The following PTPRD variants were observed in gnomAD, a reference collection of about 807,000 sequenced individuals.
PTPRD encodes protein tyrosine phosphatase receptor type D.
In PTPRD, 34 loss-of-function variants were observed where a neutral mutation model predicts 214.5. The observed-to-expected ratio is 0.16, with a 90% confidence interval of 0.12 to 0.21. The LOEUF is 0.21. Ranked by LOEUF, PTPRD falls within the 10% of genes least tolerant of loss-of-function variation. The pLI, the probability that PTPRD is intolerant of heterozygous loss-of-function variation, is 1.00. For synonymous variants in PTPRD, 1,128 were observed against 845.7 expected (o/e 1.33, Z -5.79); for missense variants, 2,545 against 2,398.7 (o/e 1.06, Z -1.27).
chr9:9,946,295 T>A (rs1425775070), intron 4 of PTPRD, among the ~76,000 whole-genome samples: 1 of 152,140 alleles, frequency 6.6e-6, no homozygotes, highest in African/African-American at 2.4e-5. Context: ...ATTTAATGAA[T>A]GGGTAAAAAT....
At chr9:9,027,121 C>T (rs2099589979) in intron 10 of PTPRD, among the ~76,000 whole-genome samples, 1 of 151,710 alleles carries the variant, frequency 6.6e-6, no homozygotes, top group South Asian at 2.1e-4. Context: ...AGCTTTCTTG[C>T]ATGACATCTG....
chr9:9,859,979 TAAC>T (rs1555229207), intron 5 of PTPRD, among the ~76,000 whole-genome samples: 1 of 152,168 alleles, frequency 6.6e-6, no homozygotes, highest in Admixed American at 6.5e-5. Flanking sequence ...ACAAGATCTC[TAAC>T]AACAACAACA....
chr9:10,172,446 GA>G (rs779948628), intron 3 of PTPRD, among the ~76,000 whole-genome samples: 4 of 152,098 alleles, frequency 2.6e-5, no homozygotes, highest in Non-Finnish European at 4.4e-5. Context: ...TCAAGTAGTT[GA>G]AATCTTACCT....
At chr9:10,104,050 G>A (rs2098598869) in intron 3 of PTPRD, among the ~76,000 whole-genome samples, 1 of 151,690 alleles carries the variant, frequency 6.6e-6, no homozygotes, top group African/African-American at 2.4e-5. Flanking sequence ...TATGTTAAGT[G>A]AAATAAGCCA....
intron 2 of PTPRD, among the ~76,000 whole-genome samples, chr9:10,494,645 C>G (rs2041477257): frequency 6.8e-6 from 1 of 147,596 alleles, no homozygotes; most frequent in Non-Finnish European, 1.5e-5. Context: ...TTCACTCTAA[C>G]AAATTGTTTT....
intron 8 of PTPRD, among the ~76,000 whole-genome samples, chr9:9,517,599 G>A (rs1356297942): frequency 6.6e-6 from 1 of 152,058 alleles, no homozygotes; most frequent in Non-Finnish European, 1.5e-5. Context: ...ACACTGGCAT[G>A]TGGCTTGAGA....
intron 9 of PTPRD, among the ~76,000 whole-genome samples, chr9:9,302,241 C>A (rs1378025740): frequency 6.6e-6 from 1 of 151,786 alleles, no homozygotes; most frequent in African/African-American, 2.4e-5. Context: ...GCATTTCCTT[C>A]TGGCCCTATC....
intron 4 of PTPRD, among the ~76,000 whole-genome samples, chr9:9,988,638 A>T (rs1181302157): frequency 4.6e-5 from 7 of 152,136 alleles, no homozygotes; most frequent in Non-Finnish European, 8.8e-5. Flanking sequence ...AATAGCCCAA[A>T]TAATGTCAGT....
intron 8 of PTPRD, among the ~76,000 whole-genome samples, chr9:9,522,485 G>C (rs2097007250): frequency 6.6e-6 from 1 of 152,074 alleles, no homozygotes; most frequent in African/African-American, 2.4e-5. Flanking sequence ...CACTACTGAT[G>C]TGTTGACAGA....
chr9:8,845,144 T>G (rs2154537836), intron 11 of PTPRD, among the ~76,000 whole-genome samples: 1 of 144,952 alleles, frequency 6.9e-6, no homozygotes, highest in South Asian at 2.1e-4. Flanking sequence ...GTGAATAAAA[T>G]GAGGTCTCTA....
At chr9:8,433,406 A>G (rs1291256510) in intron 35 of PTPRD, among the ~76,000 whole-genome samples, 3 of 152,192 alleles carry the variant, frequency 2.0e-5, no homozygotes, top group Non-Finnish European at 4.4e-5. Flanking sequence ...CTTTTATTAA[A>G]ATAAAAAGAA....
chr9:10,108,760 C>T lies in PTPRD; in HGVS notation c.-544-74970G>A, dbSNP rs145278321. Among the ~76,000 whole-genome samples, 12 of 152,024 alleles carry T rather than the reference C, an allele frequency of 7.9e-5. No individual in the cohort carries two copies. The South Asian group carries it at 8.3e-4, about 11-fold the overall frequency. On this transcript the variant is annotated intron_variant, in intron 3 of 45. Transcript: ENST00000381196. ...AATGGAAAAAAATGTGGTATTTGCA[C>T]ACAAAGGGATACTATTCATCCTTAA...
chr9:9,264,795 G>A (rs903516610), intron 9 of PTPRD, among the ~76,000 whole-genome samples: 1 of 151,084 alleles, frequency 6.6e-6, no homozygotes, highest in African/African-American at 2.4e-5. Context: ...AGAGAATTGT[G>A]TATGTCATAA....
chr9:10,198,009 G>C (rs1452908619), intron 3 of PTPRD, among the ~76,000 whole-genome samples: 5 of 152,118 alleles, frequency 3.3e-5, no homozygotes, highest in Admixed American at 1.3e-4. Context: ...TTTCAACCTA[G>C]AGATAATTTA....
chr9:9,367,698 G>C (rs893376183), intron 9 of PTPRD, among the ~76,000 whole-genome samples: 16 of 151,514 alleles, frequency 1.1e-4, no homozygotes, highest in African/African-American at 3.9e-4. Context: ...GACGTGTTCG[G>C]ACAAAAAAAT....
chr9:9,298,995 G>T (rs968432619), intron 9 of PTPRD, among the ~76,000 whole-genome samples: 2 of 151,714 alleles, frequency 1.3e-5, no homozygotes, highest in Non-Finnish European at 2.9e-5. Context: ...ACTTTAAGCT[G>T]CATGGCTTCT....
At chr9:10,136,499 T>G (rs2098944861) in intron 3 of PTPRD, among the ~76,000 whole-genome samples, 2 of 152,096 alleles carry the variant, frequency 1.3e-5, no homozygotes, top group Admixed American at 6.6e-5. Context: ...CAAGTCTAAA[T>G]AAATTCCAAA....
intron 6 of PTPRD, among the ~76,000 whole-genome samples, chr9:9,752,678 T>C (rs868458451): frequency 7.2e-5 from 11 of 152,020 alleles, no homozygotes; most frequent in African/African-American, 2.7e-4. Context: ...AAAGTTTCAT[T>C]TGGGGAAGGA....
chr9:9,685,083 G>A (rs2097144102), intron 7 of PTPRD, among the ~76,000 whole-genome samples: 1 of 151,330 alleles, frequency 6.6e-6, no homozygotes, highest in South Asian at 2.1e-4. Context: ...AATTTTTGAA[G>A]AAAATATGAA....
Sources: gnomAD v4.1 joint callset for allele counts (sites outside exome capture counted in the v4.1 genomes callset) on GRCh38, gnomAD v4.1.1 for gene constraint, MANE v1.5 for transcripts, NCBI Gene and HGNC (gene_info 2026-07-23, HGNC 2026-07-21) for gene names.